Variants in MRPS28 observed in about 807,000 individuals in gnomAD.
MRPS28 encodes mitochondrial ribosomal protein S28.
MRPS28 carries 7 observed loss-of-function variants against 10.8 expected under a neutral mutation model. The observed-to-expected ratio is 0.65, with a 90% confidence interval of 0.37 to 1.22. The LOEUF (loss-of-function observed/expected upper bound fraction) is 1.22, where lower values mean the gene tolerates loss of function less well. Among genes scored for constraint, MRPS28 ranks in the 50% most tolerant of loss-of-function variants. MRPS28 has a pLI of 0.02. For missense variants in MRPS28, 265 were observed against 232.9 expected (o/e 1.14, Z -0.90); for synonymous variants, 121 against 93.3 (o/e 1.30, Z -1.71).
intron 1 of MRPS28, among the ~76,000 whole-genome samples, chr8:80,019,901 AG>A (rs561036841): frequency 7.9e-5 from 12 of 152,342 alleles, no homozygotes; most frequent in African/African-American, 2.9e-4. Flanking sequence ...TATTTTGCCA[AG>A]GTTAAGGACA....
At chr8:80,026,595 C>T (rs1809498648) in intron 1 of MRPS28, among the ~76,000 whole-genome samples, 1 of 152,300 alleles carries the variant, frequency 6.6e-6, no homozygotes, top group South Asian at 2.1e-4. Context: ...ACTGGAAATA[C>T]AACAGAATAA....
intron 2 of MRPS28, among the ~76,000 whole-genome samples, chr8:79,970,707 T>C (rs1807610264): frequency 6.6e-6 from 1 of 152,162 alleles, no homozygotes; most frequent in African/African-American, 2.4e-5. Context: ...CAACCTACAG[T>C]GGGTGGCATG....
At chr8:79,944,643 T>C (rs181298359) in intron 2 of MRPS28, among the ~76,000 whole-genome samples, 224 of 152,104 alleles carry the variant, frequency 1.5e-3, no homozygotes, top group Non-Finnish European at 2.5e-3. Context: ...TAGTAAGATA[T>C]GCATTGAACA....
chr8:80,025,636 C>T (rs28460821), intron 1 of MRPS28, among the ~76,000 whole-genome samples: 32,743 of 152,120 alleles, frequency 0.22, 9,336 homozygotes, highest in African/African-American at 0.66. Context: ...TAGGTAAAAA[C>T]TGCAATTTTC....
chr8:79,973,906 A>T (rs535363261), intron 2 of MRPS28, among the ~76,000 whole-genome samples: 13 of 152,152 alleles, frequency 8.5e-5, no homozygotes, highest in African/African-American at 2.9e-4. Context: ...GTGCATAGAA[A>T]TCTAAACCTC....
chr8:79,919,937 T>TCCCGCCC (rs372831451), intron 2 of MRPS28, among the ~76,000 whole-genome samples: 1 of 102,242 alleles, frequency 9.8e-6, no homozygotes, highest in African/African-American at 4.0e-5. Context: ...CCTAATGCTA[T>TCCCGCCC]CCCTCCCCCC....
chr8:80,029,790 C>A (rs549087048), intron 1 of MRPS28: 5 of 1,516,986 alleles, frequency 3.3e-6, no homozygotes, highest in Non-Finnish European at 3.5e-6. Context: ...CCCAGGAAAA[C>A]AAGCGCAGTG....
intron 2 of MRPS28, among the ~76,000 whole-genome samples, chr8:79,953,436 GA>G (rs1228926061): frequency 1.3e-5 from 2 of 152,190 alleles, no homozygotes; most frequent in East Asian, 3.9e-4. Context: ...TTTATTTTTG[GA>G]AAAAGGTAGC....
chr8:79,959,362 T>G (rs932371663), intron 2 of MRPS28, among the ~76,000 whole-genome samples: 18 of 152,128 alleles, frequency 1.2e-4, no homozygotes, highest in Non-Finnish European at 2.5e-4. Flanking sequence ...CAGGGAGGTA[T>G]TCTACCTATT....
intron 1 of MRPS28, among the ~76,000 whole-genome samples, chr8:80,020,234 G>A (rs1367237708): frequency 2.0e-5 from 3 of 152,188 alleles, no homozygotes; most frequent in African/African-American, 4.8e-5. Flanking sequence ...CAGGTAGCAG[G>A]CTTCAGAGAA....
At chr8:80,028,190 T>A (rs897206644) in intron 1 of MRPS28, among the ~76,000 whole-genome samples, 1 of 152,148 alleles carries the variant, frequency 6.6e-6, no homozygotes, top group African/African-American at 2.4e-5. Flanking sequence ...ACTCAGCAAT[T>A]GAGAATTATT....
chr8:79,962,156 A>AT (rs1807385998), intron 2 of MRPS28, among the ~76,000 whole-genome samples: 1 of 151,810 alleles, frequency 6.6e-6, no homozygotes, highest in South Asian at 2.1e-4. Flanking sequence ...TAAAAAAAAA[A>AT]GGAGAAGGGT....
intron 1 of MRPS28, among the ~76,000 whole-genome samples, chr8:80,027,545 A>G (rs1042369219): frequency 6.6e-6 from 1 of 152,232 alleles, no homozygotes; most frequent in African/African-American, 2.4e-5. Context: ...AAGGAGAGCA[A>G]TAAGTAAATA....
intron 2 of MRPS28, among the ~76,000 whole-genome samples, chr8:79,954,438 T>C (rs376351667): frequency 1.4e-4 from 22 of 152,276 alleles, no homozygotes; most frequent in African/African-American, 4.6e-4. Flanking sequence ...TTCTGAAATC[T>C]AGCCAATGTT....
chr8:79,994,540 C>T (rs1247012951), intron 2 of MRPS28, among the ~76,000 whole-genome samples: 1 of 152,068 alleles, frequency 6.6e-6, no homozygotes, highest in Admixed American at 6.6e-5. Context: ...TCACCAAGAC[C>T]TGTCTCTTCC....
intron 2 of MRPS28, among the ~76,000 whole-genome samples, chr8:79,929,573 T>C (rs1806404100): frequency 6.6e-6 from 1 of 152,128 alleles, no homozygotes; most frequent in Non-Finnish European, 1.5e-5. Context: ...ATTAAAAAGG[T>C]GACGGTACTT....
At chr8:79,975,280 G>A (rs1216266656) in intron 2 of MRPS28, among the ~76,000 whole-genome samples, 1 of 152,058 alleles carries the variant, frequency 6.6e-6, no homozygotes, top group Admixed American at 6.6e-5. Context: ...CTGGGCAACA[G>A]AGCAAGACCC....
intron 2 of MRPS28, among the ~76,000 whole-genome samples, chr8:79,936,323 T>G (rs949921788): frequency 2.0e-5 from 3 of 151,876 alleles, no homozygotes; most frequent in Non-Finnish European, 2.9e-5. Context: ...AGCAAGATCT[T>G]GTCTCAAAAA....
chr8:79,929,524 A>G lies in MRPS28; in HGVS notation c.396-10376T>C, dbSNP rs114293850. ...TTTAGCAGACTGGAAAAAAACAGCA[A>G]GAGGACCCTAAACCTGTCTGAATTT... On this transcript the variant is annotated intron_variant, in intron 2 of 2. Transcript: ENST00000276585. Among the ~76,000 whole-genome samples the G allele has an allele frequency of 6.1e-3, 928 of 152,248 alleles. 10 individuals carry two copies. The highest frequency in any genetic ancestry group is 0.021 in the African/African-American group (876 of 41,546).
Sources: allele counts gnomAD v4.1 joint callset (sites outside exome capture counted in the v4.1 genomes callset), GRCh38; gene constraint gnomAD v4.1.1; transcripts MANE v1.5; gene names NCBI Gene and HGNC (gene_info 2026-07-23, HGNC 2026-07-21).